The following KCNA2 variants were observed in gnomAD, a reference collection of about 807,000 sequenced individuals.
KCNA2 encodes the protein potassium channel, voltage gated shaker related subfamily A, member 2.
In KCNA2, 11 loss-of-function variants were observed where a neutral mutation model predicts 33.4. The observed-to-expected ratio is 0.33, with a 90% CI of 0.21 to 0.55. The LOEUF (loss-of-function observed/expected upper bound fraction) is 0.55, where lower values mean the gene tolerates loss of function less well. Ranked by LOEUF, KCNA2 falls within the 20% of genes least tolerant of loss-of-function variation. The probability of loss-of-function intolerance (pLI) is 0.93; values close to 1 mark genes in which losing one functional copy is unlikely to be tolerated. For synonymous variants in KCNA2, 222 were observed against 231.3 expected, an observed-to-expected ratio of 0.96 and a Z score of 0.37; for missense variants, 291 against 621.6, an observed-to-expected ratio of 0.47 and a Z score of 5.66.
At chr1:110,630,805 T>C (rs557407981) in intron 1 of KCNA2, among the ~76,000 whole-genome samples, 1 of 152,296 alleles carries the variant, frequency 6.6e-6, no homozygotes, top group East Asian at 1.9e-4. Flanking sequence ...GACCCCATTG[T>C]CACTGCCTCC....
rs1452121431 is a variant in KCNA2 at position 110,601,506 on chromosome 1, C to T, written c.*1777G>A. ...TGTAGAGAGGAGGCCCGGGGTGGGT[C>T]TGGCCCAGGACAGCTGGAACTGTGA... On this transcript the variant is annotated 3_prime_UTR_variant, in exon 3 of 3. Coordinates refer to ENST00000316361, the MANE Select transcript of KCNA2 (RefSeq NM_004974.4). 1 of 986,094 alleles carries T rather than the reference C, an allele frequency of 1.0e-6. No homozygotes were observed. The highest frequency in any genetic ancestry group is 1.2e-6 in the Non-Finnish European group (1 of 830,456). 61.1% of individuals were successfully genotyped at this position (986,094 alleles called of 1,614,324 possible).
rs1649048384 is a variant in KCNA2 at position 110,595,302 on chromosome 1, T to C, written c.*7981A>G. The C allele has an allele frequency of 3.0e-6, 3 of 985,272 alleles. No homozygotes were observed. The South Asian group carries it at 1.4e-4, about 46-fold the overall frequency. 61.0% of individuals were successfully genotyped at this position (985,272 alleles called of 1,614,324 possible). A position where few individuals can be genotyped will look rare whatever the true frequency, so the allele number is the denominator to read the frequency against. On this transcript the variant is annotated 3_prime_UTR_variant, in exon 3 of 3. Coordinates refer to ENST00000316361, the MANE Select transcript of KCNA2 (RefSeq NM_004974.4). ...TAGGAGTGCAGAGGAGCACAGAAAG[T>C]TATATCCATTTCCATGCTGAGGTTC...
chr1:110,608,396 G>C (rs1649752651), upstream of KCNA2, among the ~76,000 whole-genome samples: 1 of 152,208 alleles, frequency 6.6e-6, no homozygotes, highest in Non-Finnish European at 1.5e-5. Context: ...GGTAGACACG[G>C]AGCTCTGGAT....
In KCNA2 at chr1:110,602,403, C is replaced by A; in HGVS notation, c.*880G>T. 7.3e-7 allele frequency: 1 copy of A among 1,374,946 alleles called. No individual in the cohort carries two copies. The highest frequency in any genetic ancestry group is 9.4e-7 in the Non-Finnish European group (1 of 1,067,028). The allele number at this position is 1,374,946 out of a possible 1,614,324, so 85.2% of individuals were successfully genotyped here. A position where few individuals can be genotyped will look rare whatever the true frequency, so the allele number is the denominator to read the frequency against. Reference sequence around the variant, plus strand: ...ATATTGAGATTCATGCAACAAACACCCATGCAGCTCTATTGCATCACTGGT... The same window carrying A: ...ATATTGAGATTCATGCAACAAACACACATGCAGCTCTATTGCATCACTGGT... On this transcript the variant is annotated 3_prime_UTR_variant, in exon 3 of 3. Transcript: ENST00000316361.
Position 110,596,127 on chromosome 1 carries a change from A to G in KCNA2, c.*7156T>C. 1 of 985,310 alleles carries G rather than the reference A, an allele frequency of 1.0e-6. No homozygotes were observed. The highest frequency in any genetic ancestry group is 1.2e-6 in the Non-Finnish European group (1 of 829,912). 61.0% of individuals were successfully genotyped at this position (985,310 alleles called of 1,614,324 possible). On this transcript the variant is annotated 3_prime_UTR_variant, in exon 3 of 3. Coordinates refer to ENST00000316361, the MANE Select transcript of KCNA2 (RefSeq NM_004974.4). ...TCCTGTAGCCTGTTCTTTTTTTATG[A>G]AAGATCTGCCTTCTAGAGAGGTCCC...
intron 1 of KCNA2, among the ~76,000 whole-genome samples, chr1:110,624,740 C>A (rs1304697571): frequency 6.6e-6 from 1 of 152,040 alleles, no homozygotes; most frequent in African/African-American, 2.4e-5. Flanking sequence ...GGATTTTTTT[C>A]TTTATTTCTT....
At position 110,602,068 on chromosome 1, in the gene KCNA2, C is replaced by T. The variant is rs1234112854; in HGVS notation, c.*1215G>A. Reference sequence around the variant, plus strand: ...GGACCAGATGCCCTGGTCCACTGTACAGTCATGCCCGCGACTAGGTTAATT... The same window carrying T: ...GGACCAGATGCCCTGGTCCACTGTATAGTCATGCCCGCGACTAGGTTAATT... On this transcript the variant is annotated 3_prime_UTR_variant, in exon 3 of 3. Transcript: ENST00000316361. 2 of 1,550,426 alleles carry T rather than the reference C, an allele frequency of 1.3e-6. No individual in the cohort carries two copies. Among genetic ancestry groups the T allele is most frequent in the Middle Eastern group, 1.7e-4 (1 of 6,008 alleles).
rs1208642243 is a variant in KCNA2, at chr1:110,595,885, G to GTCAT, written c.*7397_*7398insATGA. 1 of 985,268 alleles carries GTCAT rather than the reference G, an allele frequency of 1.0e-6. No homozygotes were observed. The highest frequency in any genetic ancestry group is 6.1e-5 in the Admixed American group (1 of 16,262). The allele number at this position is 985,268 out of a possible 1,614,324, so 61.0% of individuals were successfully genotyped here. Reference sequence around the variant, plus strand: ...ACCTCAAACCTAGGGCACCACCAATGACAAAGAGAATGCTAAATAGATAAA... The same window carrying GTCAT: ...ACCTCAAACCTAGGGCACCACCAATGTCATACAAAGAGAATGCTAAATAGATAAA... On this transcript the variant is annotated 3_prime_UTR_variant, in exon 3 of 3. Coordinates refer to ENST00000316361, the MANE Select transcript of KCNA2 (RefSeq NM_004974.4).
intron 1 of KCNA2, among the ~76,000 whole-genome samples, chr1:110,612,752 G>A (rs1649916444): frequency 6.6e-6 from 1 of 152,216 alleles, no homozygotes; most frequent in African/African-American, 2.4e-5. Flanking sequence ...TTCCTAAAAA[G>A]CGAGCAAAGC....
upstream of KCNA2, among the ~76,000 whole-genome samples, chr1:110,610,283 G>A (rs565589678): frequency 1.3e-5 from 2 of 152,342 alleles, no homozygotes; most frequent in South Asian, 2.1e-4. Context: ...CACACAGAGG[G>A]ACTGGAGGGA....
intron 1 of KCNA2, among the ~76,000 whole-genome samples, chr1:110,612,529 C>T (rs560996117): frequency 1.2e-4 from 18 of 152,278 alleles, no homozygotes; most frequent in Admixed American, 5.9e-4. Flanking sequence ...GTTTGCTTCT[C>T]TCTGATTCCC....
chr1:110,612,128 C>T (rs1005354819), intron 1 of KCNA2, among the ~76,000 whole-genome samples: 8 of 152,152 alleles, frequency 5.3e-5, no homozygotes, highest in Admixed American at 1.3e-4. Context: ...GCAGTGTGCT[C>T]GTTGTCTTAC....
Position 110,601,378 on chromosome 1 carries a change from C to T in KCNA2, c.*1905G>A. ...TCAAAGCAGGGGATCCATTCTGGCT[C>T]TTTAGCGAAAGGTTTGTGAAAGTGA... On this transcript the variant is annotated 3_prime_UTR_variant, in exon 3 of 3. Transcript: ENST00000316361. 1.0e-6 allele frequency: 1 copy of T among 985,430 alleles called. No homozygotes were observed. The highest frequency in any genetic ancestry group is 1.2e-6 in the Non-Finnish European group (1 of 829,958). The allele number at this position is 985,430 out of a possible 1,614,324, so 61.0% of individuals were successfully genotyped here. A position where few individuals can be genotyped will look rare whatever the true frequency, so the allele number is the denominator to read the frequency against.
intron 1 of KCNA2, among the ~76,000 whole-genome samples, chr1:110,613,977 C>T (rs1332108063): frequency 6.6e-6 from 1 of 152,184 alleles, no homozygotes; most frequent in African/African-American, 2.4e-5. Flanking sequence ...TTATTGCCTC[C>T]TACCAAGGAT....
At chr1:110,624,873 G>C (rs891904207) in intron 1 of KCNA2, among the ~76,000 whole-genome samples, 1 of 152,142 alleles carries the variant, frequency 6.6e-6, no homozygotes, top group Non-Finnish European at 1.5e-5. Context: ...GGTTGATATC[G>C]GTGAAAAGTC....
At chr1:110,612,844 G>A (rs1030441312) in intron 1 of KCNA2, among the ~76,000 whole-genome samples, 4 of 152,154 alleles carry the variant, frequency 2.6e-5, no homozygotes, top group Non-Finnish European at 4.4e-5. Flanking sequence ...AAACTGCCTC[G>A]AAAGCTCTAA....
chr1:110,606,874 C>CGA (rs1649665295), upstream of KCNA2: 2 of 152,336 alleles, frequency 1.3e-5, no homozygotes, highest in Admixed American at 1.3e-4. Context: ...GCCGAAGAGG[C>CGA]GAATGCAGCC....
rs1570743013 is a variant in KCNA2 at position 110,593,984 on chromosome 1, T to C, written c.*9299A>G. 6.5e-7 allele frequency: 1 copy of C among 1,547,922 alleles called. No homozygotes were observed. The highest frequency in any genetic ancestry group is 8.7e-7 in the Non-Finnish European group (1 of 1,145,818). ...AATGACTCCCAACTCCCATGAGTCT[T>C]CCCCGCAAGTCCTGCTCCGCCTTCA... On this transcript the variant is annotated 3_prime_UTR_variant, in exon 3 of 3. Coordinates refer to ENST00000316361, the MANE Select transcript of KCNA2 (RefSeq NM_004974.4).
At chr1:110,626,891 C>G (rs987948878) in intron 1 of KCNA2, among the ~76,000 whole-genome samples, 4 of 152,220 alleles carry the variant, frequency 2.6e-5, no homozygotes, top group Non-Finnish European at 5.9e-5. Context: ...TAATAACTTT[C>G]AAGGCCCTCT....
Sources: gnomAD v4.1 joint callset for allele counts (sites outside exome capture counted in the v4.1 genomes callset) on GRCh38, gnomAD v4.1.1 for gene constraint, MANE v1.5 for transcripts, NCBI Gene and HGNC (gene_info 2026-07-23, HGNC 2026-07-21) for gene names.